B3GALT1: variants seen among roughly 807,000 people sequenced by gnomAD.
B3GALT1 encodes the protein beta-1,3-galactosyltransferase 1.
B3GALT1 carries 10 observed loss-of-function variants against 23.2 expected under a neutral mutation model. The observed-to-expected ratio is 0.43, with a 90% CI of 0.27 to 0.73. The LOEUF is 0.73. Among genes scored for constraint, B3GALT1 ranks in the 30% least tolerant of loss-of-function variants. The pLI, the probability that B3GALT1 is intolerant of heterozygous loss-of-function variation, is 0.21. For missense variants in B3GALT1, 299 were observed against 405.4 expected, an observed-to-expected ratio of 0.74 and a Z score of 2.25; for synonymous variants, 156 against 141.5, an observed-to-expected ratio of 1.10 and a Z score of -0.73.
chr2:167,705,060 C>T (rs1447081759), intron 3 of B3GALT1, among the ~76,000 whole-genome samples: 1 of 152,196 alleles, frequency 6.6e-6, no homozygotes, highest in African/African-American at 2.4e-5. Flanking sequence ...TGTCTCTTGG[C>T]TTGGCTATGT....
chr2:167,329,500 GTTCT>G (rs1696941625), intron 1 of B3GALT1, among the ~76,000 whole-genome samples: 1 of 152,102 alleles, frequency 6.6e-6, no homozygotes, highest in East Asian at 1.9e-4. Context: ...ATGTCTGTTA[GTTCT>G]GTTTAATCTA....
At chr2:167,866,111 T>C (rs183753065) in intron 4 of B3GALT1, among the ~76,000 whole-genome samples, 21 of 152,340 alleles carry the variant, frequency 1.4e-4, no homozygotes, top group African/African-American at 4.8e-4. Context: ...AGATAACTTC[T>C]AGCCATCCTT....
intron 2 of B3GALT1, among the ~76,000 whole-genome samples, chr2:167,581,281 A>G (rs1188696910): frequency 1.3e-5 from 2 of 152,240 alleles, no homozygotes; most frequent in African/African-American, 4.8e-5. Flanking sequence ...CAATTTCAAT[A>G]TAATATATGA....
chr2:167,533,593 GAT>G (rs1253963623), intron 2 of B3GALT1, among the ~76,000 whole-genome samples: 2 of 152,104 alleles, frequency 1.3e-5, no homozygotes, highest in Non-Finnish European at 2.9e-5. Flanking sequence ...GATGATGAGG[GAT>G]ATTGGTCTGT....
intron 1 of B3GALT1, among the ~76,000 whole-genome samples, chr2:167,328,667 A>T (rs1456155039): frequency 2.0e-5 from 3 of 151,416 alleles, no homozygotes; most frequent in Non-Finnish European, 4.4e-5. Flanking sequence ...CATGTATTTG[A>T]TCGTTTGTAA....
At chr2:167,461,012 G>A (rs192774838) in intron 1 of B3GALT1, among the ~76,000 whole-genome samples, 49 of 152,258 alleles carry the variant, frequency 3.2e-4, no homozygotes, top group Non-Finnish European at 5.1e-4. Context: ...GTCAGTGGTC[G>A]TTTAATTCCT....
intron 4 of B3GALT1, among the ~76,000 whole-genome samples, chr2:167,857,029 A>G (rs1690012439): frequency 6.6e-6 from 1 of 152,136 alleles, no homozygotes; most frequent in South Asian, 2.1e-4. Context: ...AAACTAAGAG[A>G]TATTTTTAAG....
chr2:167,670,395 G>A (rs1486034140), intron 3 of B3GALT1, among the ~76,000 whole-genome samples: 1 of 152,180 alleles, frequency 6.6e-6, no homozygotes, highest in Non-Finnish European at 1.5e-5. Flanking sequence ...CAAGCTGATG[G>A]TAGAAGTCTT....
chr2:167,354,592 G>A (rs12995201), intron 1 of B3GALT1, among the ~76,000 whole-genome samples: 120,949 of 151,972 alleles, frequency 0.8, 49,825 homozygotes, highest in East Asian at 0.92. Context: ...TGATCCACCC[G>A]CCTCGGCCTC....
intron 3 of B3GALT1, among the ~76,000 whole-genome samples, chr2:167,653,075 T>G (rs919590462): frequency 6.6e-6 from 1 of 152,166 alleles, no homozygotes; most frequent in Non-Finnish European, 1.5e-5. Context: ...TTGAAGGGAA[T>G]ATCTACAAAT....
At chr2:167,414,828 A>G (rs1698443081) in intron 1 of B3GALT1, among the ~76,000 whole-genome samples, 1 of 152,210 alleles carries the variant, frequency 6.6e-6, no homozygotes, top group Admixed American at 6.5e-5. Flanking sequence ...ATATTGTGAA[A>G]TATTAACAAT....
At chr2:167,378,465 C>T (rs1697796817) in intron 1 of B3GALT1, among the ~76,000 whole-genome samples, 1 of 151,992 alleles carries the variant, frequency 6.6e-6, no homozygotes, top group African/African-American at 2.4e-5. Flanking sequence ...GTCAAGAATT[C>T]ATGTTTAGTT....
chr2:167,689,303 A>G (rs1317054598), intron 3 of B3GALT1, among the ~76,000 whole-genome samples: 2 of 152,114 alleles, frequency 1.3e-5, no homozygotes, highest in Non-Finnish European at 2.9e-5. Context: ...CTGGAATCCT[A>G]TATCCAGCAA....
At chr2:167,511,016 G>A (rs1312275176) in intron 2 of B3GALT1, among the ~76,000 whole-genome samples, 1 of 152,108 alleles carries the variant, frequency 6.6e-6, no homozygotes, top group African/African-American at 2.4e-5. Flanking sequence ...TATTAATCAT[G>A]ATCCTTAGTA....
chr2:167,550,281 C>G (rs1683722887), intron 2 of B3GALT1, among the ~76,000 whole-genome samples: 1 of 152,190 alleles, frequency 6.6e-6, no homozygotes, highest in African/African-American at 2.4e-5. Context: ...AGATGCAAGT[C>G]TGAGTACTTG....
At chr2:167,414,372 A>G (rs1470567902) in intron 1 of B3GALT1, among the ~76,000 whole-genome samples, 3 of 152,140 alleles carry the variant, frequency 2.0e-5, no homozygotes, top group Admixed American at 2.0e-4. Context: ...AAAAATTTCT[A>G]TTTTGGTAAT....
At chr2:167,417,312 C>T (rs1015088602) in intron 1 of B3GALT1, among the ~76,000 whole-genome samples, 3 of 152,048 alleles carry the variant, frequency 2.0e-5, no homozygotes, top group African/African-American at 7.2e-5. Context: ...AGAAAAGAGG[C>T]CTGAGCTAGC....
chr2:167,751,760 A>T (rs1687743237), intron 3 of B3GALT1, among the ~76,000 whole-genome samples: 1 of 152,156 alleles, frequency 6.6e-6, no homozygotes, highest in African/African-American at 2.4e-5. Flanking sequence ...TTTCTCAGAC[A>T]ATTCCTGGGG....
chr2:167,439,573 C>G (rs534768216), intron 1 of B3GALT1, among the ~76,000 whole-genome samples: 1 of 151,528 alleles, frequency 6.6e-6, no homozygotes, highest in African/African-American at 2.4e-5. Context: ...TATTATTATA[C>G]TTTAAGTTTT....
Sources: allele counts gnomAD v4.1 joint callset (sites outside exome capture counted in the v4.1 genomes callset), GRCh38; gene constraint gnomAD v4.1.1; transcripts MANE v1.5; gene names NCBI Gene and HGNC (gene_info 2026-07-23, HGNC 2026-07-21).